MGAT4C: variants seen among roughly 807,000 people sequenced by gnomAD.
MGAT4C encodes the protein MGAT4 family member C.
Under a neutral mutation model 40.1 loss-of-function variants are expected in MGAT4C, and 19 were observed. The observed-to-expected ratio is 0.47, with a 90% CI of 0.33 to 0.70. MGAT4C has a LOEUF of 0.70. Ranked by LOEUF, MGAT4C falls within the 30% of genes least tolerant of loss-of-function variation. The pLI is 0.02. For synonymous variants in MGAT4C, 181 were observed against 187.1 expected, an observed-to-expected ratio of 0.97 and a Z score of 0.27; for missense variants, 491 against 563.2, an observed-to-expected ratio of 0.87 and a Z score of 1.30.
intron 4 of MGAT4C, among the ~76,000 whole-genome samples, chr12:86,296,792 A>G (rs1472969018): frequency 6.6e-6 from 1 of 152,140 alleles, no homozygotes; most frequent in Non-Finnish European, 1.5e-5. Flanking sequence ...ACCTCCCTGC[A>G]AGCTGAGGGA....
At chr12:86,355,383 T>G (rs1955286715) in intron 3 of MGAT4C, among the ~76,000 whole-genome samples, 1 of 152,112 alleles carries the variant, frequency 6.6e-6, no homozygotes, top group Admixed American at 6.5e-5. Context: ...AGTCAAAAAA[T>G]AATATTTGAA....
intron 1 of MGAT4C, among the ~76,000 whole-genome samples, chr12:86,770,653 A>C (rs1013007781): frequency 6.6e-6 from 1 of 152,134 alleles, no homozygotes; most frequent in Non-Finnish European, 1.5e-5. Flanking sequence ...ATTCAGGAAT[A>C]TATGTTAAAC....
chr12:86,400,334 A>C (rs1171899874), intron 3 of MGAT4C, among the ~76,000 whole-genome samples: 1 of 152,232 alleles, frequency 6.6e-6, no homozygotes, highest in Non-Finnish European at 1.5e-5. Context: ...TCTTAGTATT[A>C]GGATTTTTAC....
intron 2 of MGAT4C, among the ~76,000 whole-genome samples, chr12:86,711,668 G>T (rs1950558357): frequency 6.6e-6 from 1 of 152,062 alleles, no homozygotes; most frequent in African/African-American, 2.4e-5. Flanking sequence ...AAACAAGATA[G>T]ACTTTCATCT....
At chr12:86,766,509 C>T (rs1951511035) in intron 1 of MGAT4C, among the ~76,000 whole-genome samples, 1 of 152,064 alleles carries the variant, frequency 6.6e-6, no homozygotes, top group African/African-American at 2.4e-5. Flanking sequence ...AGCTCTGCAC[C>T]AAGCAGACCT....
At chr12:86,188,776 A>T (rs1292844986) in intron 1 of MGAT4C, among the ~76,000 whole-genome samples, 1 of 151,982 alleles carries the variant, frequency 6.6e-6, no homozygotes, top group Non-Finnish European at 1.5e-5. Flanking sequence ...CTTTCGATTC[A>T]TCTGAGTTTA....
intron 2 of MGAT4C, among the ~76,000 whole-genome samples, chr12:86,674,111 C>G (rs1327181367): frequency 6.6e-6 from 1 of 151,992 alleles, no homozygotes; most frequent in Non-Finnish European, 1.5e-5. Flanking sequence ...AAAACCAAAA[C>G]TACAGTCAAA....
At chr12:86,225,410 T>C (rs1427832936) in intron 1 of MGAT4C, among the ~76,000 whole-genome samples, 1 of 152,046 alleles carries the variant, frequency 6.6e-6, no homozygotes, top group Non-Finnish European at 1.5e-5. Context: ...TTTCAAAAAA[T>C]TGAAAGAGAA....
chr12:86,281,802 G>GA (rs1372361001), intron 4 of MGAT4C, among the ~76,000 whole-genome samples: 2 of 152,086 alleles, frequency 1.3e-5, no homozygotes, highest in African/African-American at 4.8e-5. Context: ...TTGTTCATGA[G>GA]AAAATACTTT....
intron 1 of MGAT4C, among the ~76,000 whole-genome samples, chr12:86,074,745 G>A (rs1049303131): frequency 2.6e-5 from 4 of 152,100 alleles, no homozygotes; most frequent in Non-Finnish European, 5.9e-5. Flanking sequence ...TGAAAGGCAC[G>A]TCCTACATGG....
intron 1 of MGAT4C, among the ~76,000 whole-genome samples, chr12:86,201,205 C>T (rs1325284356): frequency 6.6e-6 from 1 of 152,190 alleles, no homozygotes. Context: ...TTATTTTAAG[C>T]ACTCTGCATG....
intron 1 of MGAT4C, among the ~76,000 whole-genome samples, chr12:86,198,333 C>G (rs531372360): frequency 2.0e-5 from 3 of 152,254 alleles, no homozygotes; most frequent in East Asian, 3.9e-4. Context: ...GATATTAGCA[C>G]TATTGCAAAA....
At chr12:86,194,625 T>TG (rs1391142770) in intron 1 of MGAT4C, among the ~76,000 whole-genome samples, 1 of 151,762 alleles carries the variant, frequency 6.6e-6, no homozygotes, top group Non-Finnish European at 1.5e-5. Flanking sequence ...CAACTAATTT[T>TG]TTTTTTTTTT....
At chr12:86,805,771 G>C (rs1422071772) in intron 1 of MGAT4C, among the ~76,000 whole-genome samples, 2 of 151,846 alleles carry the variant, frequency 1.3e-5, no homozygotes, top group Admixed American at 1.3e-4. Context: ...TGGTAGTTCT[G>C]GTTTAAATTA....
intron 1 of MGAT4C, among the ~76,000 whole-genome samples, chr12:86,126,228 TTAAAAA>T (rs1229496507): frequency 6.6e-6 from 1 of 151,888 alleles, no homozygotes; most frequent in East Asian, 1.9e-4. Context: ...AAAGATGACT[TTAAAAA>T]TAAAGTGTCT....
Position 86,268,160 on chromosome 12 carries a change from C to T in MGAT4C, c.-57+65905G>A, listed in dbSNP as rs796396498. 4.2e-4 allele frequency among the ~76,000 whole-genome samples: 64 copies of T among 152,218 alleles called. 1 individual carries two copies. The highest frequency in any genetic ancestry group is 1.3e-3 in the African/African-American group (54 of 41,554). On this transcript the variant is annotated intron_variant, in intron 4 of 7. Transcript: ENST00000548651. ...AGTCTTACAGACTTATGGAGTTGTA[C>T]AGCTACTGATGGCCTTAGAAATTAT...
intron 3 of MGAT4C, among the ~76,000 whole-genome samples, chr12:86,412,027 C>T (rs572607897): frequency 2.7e-4 from 41 of 152,250 alleles, no homozygotes; most frequent in Admixed American, 2.1e-3. Context: ...TGCAGGTGCA[C>T]AGAGGACGAG....
At chr12:86,252,279 A>C (rs1468284329) in intron 1 of MGAT4C, among the ~76,000 whole-genome samples, 1 of 152,052 alleles carries the variant, frequency 6.6e-6, no homozygotes, top group Admixed American at 6.6e-5. Flanking sequence ...TACTAAAGGG[A>C]CTAAGTTCAG....
intron 4 of MGAT4C, among the ~76,000 whole-genome samples, chr12:86,322,768 A>G (rs1566287722): frequency 6.6e-6 from 1 of 152,222 alleles, no homozygotes; most frequent in Non-Finnish European, 1.5e-5. Flanking sequence ...ACGTGTTCAT[A>G]TATGAGTCAT....
Sources: allele counts gnomAD v4.1 joint callset (sites outside exome capture counted in the v4.1 genomes callset), GRCh38; gene constraint gnomAD v4.1.1; transcripts MANE v1.5; gene names NCBI Gene and HGNC (gene_info 2026-07-23, HGNC 2026-07-21).